The following CCDC62 variants were observed in gnomAD, a reference collection of about 807,000 sequenced individuals.
CCDC62 encodes coiled-coil domain-containing protein 62.
CCDC62 carries 72 observed loss-of-function variants against 80.8 expected under a neutral mutation model. The observed-to-expected ratio is 0.89, with a 90% CI of 0.74 to 1.08. CCDC62 has a LOEUF of 1.08. Among genes scored for constraint, CCDC62 ranks in the 50% least tolerant of loss-of-function variants. CCDC62 has a pLI of 0.00. For synonymous variants in CCDC62, 286 were observed against 296.5 expected (o/e 0.96, Z 0.36); for missense variants, 704 against 809.4 (o/e 0.87, Z 1.58).
At chr12:122,791,919 C>A in intron 5 of CCDC62, 101 bp from the exon 6 acceptor site, 1 of 779,618 alleles carries the variant, frequency 1.3e-6, no homozygotes, top group Non-Finnish European at 2.2e-6. Context: ...TCCATCAGGA[C>A]CGGAAGGAGC....
intron 10 of CCDC62, among the ~76,000 whole-genome samples, chr12:122,811,468 C>A (rs1593824180): frequency 1.3e-5 from 2 of 150,924 alleles, no homozygotes; most frequent in South Asian, 2.1e-4. Flanking sequence ...GCCTCAGCCT[C>A]CCAAAGTGCT....
intron 2 of CCDC62, 60 bp downstream of exon 2, chr12:122,777,743 C>T (rs934497207): frequency 1.3e-5 from 19 of 1,468,184 alleles, no homozygotes; most frequent in Non-Finnish European, 1.4e-5. Flanking sequence ...CATTGATGGG[C>T]TCATAGGGAA....
At chr12:122,795,492 C>T (rs1023569045) in intron 6 of CCDC62, among the ~76,000 whole-genome samples, 4 of 151,074 alleles carry the variant, frequency 2.6e-5, no homozygotes, top group Non-Finnish European at 5.9e-5. Flanking sequence ...GGTGTGTTCG[C>T]GGCTCACTGC....
rs779269736 is a variant in CCDC62, at chr12:122,806,294, A to G, written c.1850A>G (p.Lys617Arg). Residue 617 changes from lysine to arginine, a missense_variant and splice_region_variant, in exon 10 of 13, where the codon AAG (lysine) becomes AGG (arginine). Lys to Arg is a conservative substitution (Grantham distance 26, BLOSUM62 2). Transcript: ENST00000253079. The part of the protein sequence containing the change: ...IYKDAPAFNE[K>R]ASIVLPSQDD... ...AAAGATGCACCAGCATTCAATGAAA[A>G]GGTTCGTATTTTGCTTAGACATCCC... 6 of 1,605,848 alleles carry G rather than the reference A, an allele frequency of 3.7e-6. No homozygotes were observed. The highest frequency in any genetic ancestry group is 5.1e-6 in the Non-Finnish European group (6 of 1,174,744).
intron 2 of CCDC62, 54 bp from the exon 3 acceptor site, chr12:122,781,110 T>TA: frequency 7.0e-7 from 1 of 1,436,290 alleles, no homozygotes. Context: ...ATTTTGAAAA[T>TA]AATGCCTTTT....
At chr12:122,789,132 A>C (rs1015786905) in intron 5 of CCDC62, among the ~76,000 whole-genome samples, 1 of 152,232 alleles carries the variant, frequency 6.6e-6, no homozygotes, top group Admixed American at 6.5e-5. Flanking sequence ...AAACTGCAGA[A>C]TGTATCATAT....
intron 11 of CCDC62, among the ~76,000 whole-genome samples, chr12:122,814,869 G>A (rs2032098424): frequency 6.6e-6 from 1 of 151,814 alleles, no homozygotes; most frequent in African/African-American, 2.4e-5. Context: ...TGCCCAGGCT[G>A]GAGTGCAGTA....
At chr12:122,820,672 C>T (rs2032367831) in intron 11 of CCDC62, among the ~76,000 whole-genome samples, 1 of 151,768 alleles carries the variant, frequency 6.6e-6, no homozygotes, top group Non-Finnish European at 1.5e-5. Context: ...GGTAAAACCC[C>T]CTCTCTACTA....
At chr12:122,821,096 T>TA (rs1383378058) in intron 11 of CCDC62, among the ~76,000 whole-genome samples, 1 of 152,032 alleles carries the variant, frequency 6.6e-6, no homozygotes, top group Admixed American at 6.6e-5. Flanking sequence ...TCCTCCCCCT[T>TA]ACCTCTCCAC....
At chr12:122,803,034 A>G (rs1326312859) in intron 9 of CCDC62, among the ~76,000 whole-genome samples, 1 of 151,946 alleles carries the variant, frequency 6.6e-6, no homozygotes, top group African/African-American at 2.4e-5. Context: ...TATTTCAAAA[A>G]CATTTGTCAT....
chr12:122,809,682 T>C (rs2031783563), intron 10 of CCDC62, among the ~76,000 whole-genome samples: 1 of 152,134 alleles, frequency 6.6e-6, no homozygotes, highest in South Asian at 2.1e-4. Flanking sequence ...AAAGTTCATA[T>C]AGAACCAAAA....
chr12:122,823,227 C>G (rs972158983), intron 11 of CCDC62, 139 bp from the exon 12 acceptor site: 23 of 625,170 alleles, frequency 3.7e-5, no homozygotes, highest in Non-Finnish European at 6.4e-5. Context: ...TCCCAAAGTG[C>G]TGGGATTATA....
chr12:122,812,813 AAG>A (rs1245845930), intron 10 of CCDC62, among the ~76,000 whole-genome samples: 2 of 150,044 alleles, frequency 1.3e-5, no homozygotes, highest in African/African-American at 2.5e-5. Flanking sequence ...GAAAGAAAGA[AAG>A]AAAGAAAGAA....
At chr12:122,802,200 A>T (rs1171623723) in intron 9 of CCDC62, among the ~76,000 whole-genome samples, 1 of 152,156 alleles carries the variant, frequency 6.6e-6, no homozygotes, top group East Asian at 1.9e-4. Flanking sequence ...ACCCTAGAGC[A>T]TTCCTCACCC....
chr12:122,801,731 A>G lies in CCDC62; in HGVS notation c.1585A>G (p.Met529Val), dbSNP rs781503880. Residue 529 changes from methionine (M) to valine (V), a missense_variant, in exon 9 of 13, where the codon ATG becomes GTG. Physicochemically the swap from Met to Val is conservative, Grantham distance 21 (BLOSUM62 1). Coordinates refer to ENST00000253079, the MANE Select transcript of CCDC62 (RefSeq NM_201435.5). Reference sequence around the variant, plus strand: ...CTTCATAATTGAAGCCCCAGGCCACATGTCTGACGTGGAGTGGATGAGTAT... The same window carrying G: ...CTTCATAATTGAAGCCCCAGGCCACGTGTCTGACGTGGAGTGGATGAGTAT... ...SNFIIEAPGH[M>V]SDVEWMSIFK... is the part of the protein sequence containing the mutation. The G allele has an allele frequency of 6.2e-7, 1 of 1,614,210 alleles. No homozygotes were observed. Among genetic ancestry groups the G allele is most frequent in the Non-Finnish European group, 8.5e-7 (1 of 1,180,036 alleles).
chr12:122,775,006 A>G (rs1020843131), intron 1 of CCDC62, among the ~76,000 whole-genome samples: 4 of 143,106 alleles, frequency 2.8e-5, no homozygotes, highest in Non-Finnish European at 6.0e-5. Context: ...AGGCAGGAGA[A>G]TGGCGTGAAC....
chr12:122,792,624 T>A (rs1404847269), intron 6 of CCDC62, among the ~76,000 whole-genome samples: 2 of 151,900 alleles, frequency 1.3e-5, no homozygotes, highest in African/African-American at 4.8e-5. Context: ...GTTCAAGCAG[T>A]TCTCCTGCCT....
intron 5 of CCDC62, among the ~76,000 whole-genome samples, chr12:122,790,922 TTC>T (rs78383541): frequency 0.056 from 8,483 of 152,210 alleles, 413 homozygotes; most frequent in East Asian, 0.27. Flanking sequence ...AGGAGCTCTG[TTC>T]TCCAGGAACA....
In CCDC62 at chr12:122,788,823, G is replaced by A. The variant is rs367893523; in HGVS notation, c.564G>A (p.Glu188=). Residue 188 remains glutamate (E), a synonymous_variant, in exon 5 of 13, where the codon GAG becomes GAA. Transcript: ENST00000253079. ...GTTCGGGTAAATTTAAAATGCTAGA[G>A]CATGCCCTACGTGATGCCAAGATGG... ...ADCSGKFKML[E]HALRDAKMAE... is the part of the protein sequence containing the mutation. 3.1e-6 allele frequency: 5 copies of A among 1,609,122 alleles called. No homozygotes were observed. Among genetic ancestry groups the A allele is most frequent in the Non-Finnish European group, 3.4e-6 (4 of 1,178,532 alleles).
Sources: allele counts gnomAD v4.1 joint callset (sites outside exome capture counted in the v4.1 genomes callset), GRCh38; gene constraint gnomAD v4.1.1; transcripts MANE v1.5; gene names NCBI Gene and HGNC (gene_info 2026-07-23, HGNC 2026-07-21).